Variants in CARD10 observed in about 807,000 individuals in gnomAD.
CARD10 encodes the protein caspase recruitment domain-containing protein 10.
CARD10 carries 49 observed loss-of-function variants against 114.6 expected under a neutral mutation model. That is an observed-to-expected ratio of 0.43 (90% confidence interval 0.34 to 0.54). CARD10 has a LOEUF of 0.54. Ranked by LOEUF, CARD10 falls within the 20% of genes least tolerant of loss-of-function variation. The pLI is 0.03. For synonymous variants in CARD10, 602 were observed against 593.2 expected (o/e 1.01, Z -0.21); for missense variants, 1,206 against 1,397.2 (o/e 0.86, Z 2.18).
At chr22:37,512,867 T>C (rs1361544599) in intron 3 of CARD10, among the ~76,000 whole-genome samples, 1 of 152,166 alleles carries the variant, frequency 6.6e-6, no homozygotes, top group Non-Finnish European at 1.5e-5. Context: ...CGTTCGTTCC[T>C]TCAGTTTATG....
rs1258140807 is a variant in CARD10 at position 37,506,067 on chromosome 22, T to TC, written c.1383+124dup. Reference sequence around the variant, plus strand: ...CCCCTAACTGAGGACTCTTCCCACTTCCCCCAAGCTTCCTCCCCTGGCTGA... The same window carrying TC: ...CCCCTAACTGAGGACTCTTCCCACTTCCCCCCAAGCTTCCTCCCCTGGCTGA... On this transcript the variant is annotated intron_variant, in intron 7 of 19. Transcript: ENST00000251973. The TC allele has an allele frequency of 6.0e-5, 43 of 714,848 alleles. No individual in the cohort carries two copies. The East Asian group carries it at 1.4e-3, about 23-fold the overall frequency. The allele number at this position is 714,848 out of a possible 1,614,324, so 44.3% of individuals were successfully genotyped here.
intron 2 of CARD10, among the ~76,000 whole-genome samples, chr22:37,516,550 A>T (rs1262505129): frequency 6.6e-6 from 1 of 152,256 alleles, no homozygotes; most frequent in Admixed American, 6.5e-5. Context: ...AAAGTTAATA[A>T]GCAACAGAGT....
Position 37,495,704 on chromosome 22 carries a change from C to A in CARD10, c.2303+56G>T, listed in dbSNP as rs376006381. The A allele has an allele frequency of 1.5e-5, 24 of 1,611,488 alleles. No homozygotes were observed. The East Asian group carries it at 2.0e-4, about 13-fold the overall frequency. ...AATGCAGGTGGAGGGAGAGCACCCCCATCTGAGCCCTGGCTCCCAGGGGGA... is the reference window on the plus strand; with the variant it reads ...AATGCAGGTGGAGGGAGAGCACCCCAATCTGAGCCCTGGCTCCCAGGGGGA... On this transcript the variant is annotated intron_variant, in intron 14 of 19. Coordinates refer to ENST00000251973, the MANE Select transcript of CARD10 (RefSeq NM_014550.4).
At position 37,508,712 on chromosome 22, in the gene CARD10, G is replaced by T. The variant is rs1259296959; in HGVS notation, c.910-30C>A. On this transcript the variant is annotated intron_variant, in intron 4 of 19. Coordinates refer to ENST00000251973, the MANE Select transcript of CARD10 (RefSeq NM_014550.4). ...GGATCACAGGGCAGGGCCACCTCAGGGTCTGGCTAGGGGCCCACCCTGGGT... is the reference window on the plus strand; with the variant it reads ...GGATCACAGGGCAGGGCCACCTCAGTGTCTGGCTAGGGGCCCACCCTGGGT... 3.9e-6 allele frequency: 6 copies of T among 1,530,128 alleles called. No homozygotes were observed. The Admixed American group carries it at 9.9e-5, about 25-fold the overall frequency. The allele number at this position is 1,530,128 out of a possible 1,614,324, so 94.8% of individuals were successfully genotyped here.
rs199880158 is a variant in CARD10 at position 37,504,193 on chromosome 22, G to C, written c.1627C>G (p.Pro543Ala). 1.7e-5 allele frequency: 26 copies of C among 1,558,552 alleles called. No individual in the cohort carries two copies. The highest frequency in any genetic ancestry group is 4.8e-5 in the East Asian group (2 of 41,844). ...RRQREEDPAPPKRSFSSMSDI... is the reference protein window; with the variant it reads ...RRQREEDPAPAKRSFSSMSDI... ...TATCCCCAGCCATCTCACCTCTTAG[G>C]GGGTGCGGGGTCTTCCTCACGCTGC... Residue 543 changes from proline to alanine, a missense_variant, in exon 9 of 20, where the codon CCT (proline) becomes GCT (alanine). Physicochemically the swap from Pro to Ala is conservative, Grantham distance 27. This residue lies in a region of CARD10 where 1,068 missense variants were observed against 1,179.1 expected (regional missense o/e 0.91). Transcript: ENST00000251973.
rs1430108736 is a variant in CARD10, at chr22:37,519,372, G to A, written c.-172C>T. On this transcript the variant is annotated 5_prime_UTR_variant, in exon 1 of 20. Transcript: ENST00000251973. This position sits in a 1 kb window ranked among gnomAD's most constrained non-coding sequence, Gnocchi z 4.1. ...CACGCTACAGTCGCCTCGGGCTCCC[G>A]GGTCCGCACTCGGGCGGCGGCTCCG... 5.7e-6 allele frequency: 7 copies of A among 1,222,120 alleles called. No individual in the cohort carries two copies. The Admixed American group carries it at 1.3e-4, about 23-fold the overall frequency. The allele number at this position is 1,222,120 out of a possible 1,614,324, so 75.7% of individuals were successfully genotyped here.
chr22:37,497,778 C>G (rs1395948184), intron 11 of CARD10, among the ~76,000 whole-genome samples: 1 of 151,182 alleles, frequency 6.6e-6, no homozygotes. Context: ...TGCTTGAACC[C>G]AGGAGGCAGA....
rs1373748386 is a variant in CARD10, at chr22:37,516,184, A to G, written c.488T>C (p.Val163Ala). Residue 163 changes from valine (V) to alanine (A), a missense_variant, in exon 3 of 20, where the codon GTG (valine) becomes GCG (alanine). Physicochemically the swap from Val to Ala is moderately conservative, Grantham distance 64. Around this residue, in one of 2 missense-constraint regions of CARD10, gnomAD observed 1,068 missense variants for 1,179.1 expected, o/e 0.91. Transcript: ENST00000251973. ...REQQLQARGR[V>A]LEEERAGLEQ... ...CAGCCCTGCCCGCTCCTCCTCGAGC[A>G]CCCGGCCCCGGGCCTGCAGTTGCTG... The G allele has an allele frequency of 1.9e-6, 3 of 1,592,824 alleles. No individual in the cohort carries two copies. The African/African-American group carries it at 4.0e-5, about 21-fold the overall frequency.
rs756277716 is a variant in CARD10, at chr22:37,497,127, C to A, written c.1839G>T (p.Pro613=). ...ACAGTCCATCTGGTCCCTTGTCCTG[C>A]GGCTCTGGGCCCCCTGGGGGGCTCC... ...SGRSPPGGPE[P]QDKGPDGLSF... The change falls in exon 12 of 20, where the codon CCG becomes CCT. Residue 613 remains proline, a synonymous_variant. Coordinates refer to ENST00000251973, the MANE Select transcript of CARD10 (RefSeq NM_014550.4). The A allele has an allele frequency of 2.4e-5, 39 of 1,614,124 alleles. No homozygotes were observed. The highest frequency in any genetic ancestry group is 3.1e-5 in the Non-Finnish European group (36 of 1,180,048).
intron 5 of CARD10, 100 bp from the exon 6 acceptor site, chr22:37,508,054 A>G (rs1244595074): frequency 7.0e-7 from 1 of 1,426,186 alleles, no homozygotes; most frequent in Non-Finnish European, 9.7e-7. Flanking sequence ...GCTCACCAAC[A>G]GTCTGAGACC....
At chr22:37,497,914 C>T (rs1484574012) in intron 11 of CARD10, among the ~76,000 whole-genome samples, 2 of 151,606 alleles carry the variant, frequency 1.3e-5, no homozygotes, top group African/African-American at 2.4e-5. Flanking sequence ...ACCATTAGCA[C>T]GTGGCACAGA....
Position 37,510,222 on chromosome 22 carries a change from C to A in CARD10, c.899G>T (p.Gly300Val). The change falls in exon 4 of 20, where the codon GGC becomes GTC. Residue 300 changes from glycine (G) to valine (V), a missense_variant. By Grantham distance (109) the Gly-to-Val change is moderately radical. Coordinates refer to ENST00000251973, the MANE Select transcript of CARD10 (RefSeq NM_014550.4). ...CCCTGGCCCTGGTACCTGCTGCAGG[C>A]CCTCCTGCAACTCCCGCAGTGACGC... ...LTASLRELQE[G>V]LQQEASRPGA... The A allele has an allele frequency of 6.2e-7, 1 of 1,600,450 alleles. No individual in the cohort carries two copies. The highest frequency in any genetic ancestry group is 8.5e-7 in the Non-Finnish European group (1 of 1,179,744).
rs1273706151 is a variant in CARD10 at position 37,504,247 on chromosome 22, G to C, written c.1573C>G (p.Pro525Ala). ...EINRLSILPFPPSAGSILRRQ... is the reference protein window; with the variant it reads ...EINRLSILPFAPSAGSILRRQ... ...CGGAGGATGGAGCCGGCACTGGGGG[G>C]GAAGGGCAGGATGGAGAGCCGATTG... Residue 525 changes from proline (P) to alanine (A), a missense_variant, in exon 9 of 20, where the codon CCC becomes GCC. Transcript: ENST00000251973. 1.3e-6 allele frequency: 2 copies of C among 1,580,804 alleles called. No homozygotes were observed. Among genetic ancestry groups the C allele is most frequent in the Admixed American group, 1.8e-5 (1 of 55,382 alleles).
At chr22:37,503,097 T>C in intron 10 of CARD10, 88 bp downstream of exon 10, 1 of 1,388,886 alleles carries the variant, frequency 7.2e-7, no homozygotes, top group East Asian at 2.4e-5. Context: ...AGGCCAAAGG[T>C]AGCGCAGGTG....
At position 37,497,062 on chromosome 22, in the gene CARD10, C is replaced by T; in HGVS notation, c.1904G>A (p.Arg635Lys). 6.2e-7 allele frequency: 1 copy of T among 1,614,132 alleles called. No homozygotes were observed. The highest frequency in any genetic ancestry group is 1.7e-5 in the Admixed American group (1 of 60,026). The change falls in exon 12 of 20, where the codon AGG (arginine) becomes AAG (lysine). Residue 635 changes from arginine to lysine, a missense_variant. Coordinates refer to ENST00000251973, the MANE Select transcript of CARD10 (RefSeq NM_014550.4). ...GGCGGACCCAGGCCCAGACAGCACC[C>T]TGCGCACCACAGCCCCAGACCATCT... ...GDRWSGAVVR[R>K]VLSGPGSARM...
In CARD10 at chr22:37,495,781, C is replaced by A; in HGVS notation, c.2282G>T (p.Gly761Val). The change falls in exon 14 of 20, where the codon GGC becomes GTC. Residue 761 changes from glycine to valine, a missense_variant. Coordinates refer to ENST00000251973, the MANE Select transcript of CARD10 (RefSeq NM_014550.4). The part of the protein sequence containing the change: ...DPLTLRDLDR[G>V]TVPNYQRAQQ... Reference sequence around the variant, plus strand: ...TCACCTCTGATAATTGGGCACGGTGCCCCGGTCCAGGTCCCGCAGAGTGAG... The same window carrying A: ...TCACCTCTGATAATTGGGCACGGTGACCCGGTCCAGGTCCCGCAGAGTGAG... The A allele has an allele frequency of 6.2e-7, 1 of 1,613,936 alleles. No individual in the cohort carries two copies. The highest frequency in any genetic ancestry group is 8.5e-7 in the Non-Finnish European group (1 of 1,180,028).
At chr22:37,504,411 G>C (rs1923331969) in intron 8 of CARD10, 110 bp from the exon 9 acceptor site, 14 of 1,063,614 alleles carry the variant, frequency 1.3e-5, no homozygotes, top group Non-Finnish European at 1.9e-5. Flanking sequence ...GCCCAGAGCA[G>C]AAGAGCGGGC....
At position 37,496,887 on chromosome 22, in the gene CARD10, C is replaced by A. The variant is rs1421279840; in HGVS notation, c.1947+132G>T. On this transcript the variant is annotated intron_variant, in intron 12 of 19. Transcript: ENST00000251973. This position sits in a 1 kb window ranked among gnomAD's most constrained non-coding sequence, Gnocchi z 4.1. The stretch of plus-strand genomic sequence containing the variant: ...GGCTGAGCAGGCAACCACAGCTAAT[C>A]ACTGAGCCCGCTTCGGCTTTGACCA... 2.7e-6 allele frequency: 3 copies of A among 1,123,660 alleles called. No individual in the cohort carries two copies. The highest frequency in any genetic ancestry group is 2.5e-6 in the Non-Finnish European group (2 of 788,810). 69.6% of individuals were successfully genotyped at this position (1,123,660 alleles called of 1,614,324 possible).
chr22:37,506,327 CT>C lies in CARD10; in HGVS notation c.1247del (p.Lys416ArgfsTer19), dbSNP rs751626552. On this transcript the variant is annotated frameshift_variant, in exon 7 of 20. Coordinates refer to ENST00000251973, the MANE Select transcript of CARD10 (RefSeq NM_014550.4). LOFTEE classifies it high-confidence loss of function. ...CCCGCACCTGCTTGCGGTACTGGTC[CT>C]TCTCGATGAGGCTCTGTGAGTACTG... Reference protein sequence around the residue: ...QLQYSQSLIEKDQYRKQVRGL... With the variant: ...QLQYSQSLIEXDQYRKQVRGL... The C allele has an allele frequency of 6.2e-7, 1 of 1,608,962 alleles. No individual in the cohort carries two copies. Among genetic ancestry groups the C allele is most frequent in the Admixed American group, 1.7e-5 (1 of 59,400 alleles).
Sources: gnomAD v4.1 joint callset for allele counts (sites outside exome capture counted in the v4.1 genomes callset) on GRCh38, gnomAD v4.1.1 for gene constraint, gnomAD v4.1.1 regional missense constraint, Gnocchi (gnomAD v3.1) non-coding constraint, MANE v1.5 for transcripts, NCBI Gene and HGNC (gene_info 2026-07-23, HGNC 2026-07-21) for gene names.